RYR1: variants seen among roughly 807,000 people sequenced by gnomAD.
RYR1 encodes the protein ryanodine receptor 1, also known as central core disease of muscle.
A neutral mutation model predicts 583.5 loss-of-function variants in RYR1; 342 were observed. That is an observed-to-expected ratio of 0.59 (90% CI 0.54 to 0.64). RYR1 has a LOEUF of 0.64. Ranked by LOEUF, RYR1 falls within the 30% of genes least tolerant of loss-of-function variation. The pLI, the probability that RYR1 is intolerant of heterozygous loss-of-function variation, is 0.00. For synonymous variants in RYR1, 2,791 were observed against 2,822.5 expected, an observed-to-expected ratio of 0.99 and a Z score of 0.35; for missense variants, 6,032 against 6,917.2, an observed-to-expected ratio of 0.87 and a Z score of 4.54.
At position 38,439,285 on chromosome 19, in the gene RYR1, C is replaced by T. The variant is rs1277549081; in HGVS notation, c.46-1460C>T. Among the ~76,000 whole-genome samples the T allele has an allele frequency of 2.0e-5, 3 of 151,898 alleles. No homozygotes were observed. In the South Asian group the frequency reaches 6.2e-4, roughly 31 times the overall value. On this transcript the variant is annotated intron_variant, in intron 1 of 105. Coordinates refer to ENST00000359596, the MANE Select transcript of RYR1 (RefSeq NM_000540.3). ...AGTGCAATCTGGTGGTAGCAACCTC[C>T]ACCTCCCAGGCTCAAGCCATTCTCC...
At chr19:38,515,356 C>T (rs1970917693) in intron 64 of RYR1, among the ~76,000 whole-genome samples, 1 of 152,070 alleles carries the variant, frequency 6.6e-6, no homozygotes, top group Non-Finnish European at 1.5e-5. Flanking sequence ...AGGCGCAGAC[C>T]ACGGGGGCTG....
Position 38,523,812 on chromosome 19 carries a change from TG to T in RYR1, c.10441-99del, listed in dbSNP as rs1971333085. ...GCCCAGCTAGAGAATACATGGCGGG[TG>T]GGGCAGAGGAGGTGGGGTGCTGGCA... On this transcript the variant is annotated intron_variant, in intron 69 of 105. Coordinates refer to ENST00000359596, the MANE Select transcript of RYR1 (RefSeq NM_000540.3). The T allele has an allele frequency of 1.2e-5, 17 of 1,454,790 alleles. 1 individual carries two copies. In the South Asian group the frequency reaches 1.9e-4, roughly 16 times the overall value. 90.1% of individuals were successfully genotyped at this position (1,454,790 alleles called of 1,614,324 possible).
intron 66 of RYR1, among the ~76,000 whole-genome samples, chr19:38,518,915 G>A (rs1185235127): frequency 6.6e-6 from 1 of 150,440 alleles, no homozygotes; most frequent in East Asian, 1.9e-4. Flanking sequence ...TGACAAGAGT[G>A]AAACTCTGTC....
intron 89 of RYR1, among the ~76,000 whole-genome samples, chr19:38,549,017 T>C (rs991062255): frequency 1.3e-5 from 2 of 152,220 alleles, no homozygotes; most frequent in Non-Finnish European, 2.9e-5. Context: ...TTGGCTGGCT[T>C]TCTTCTCTGT....
chr19:38,515,238 G>T, intron 64 of RYR1, 131 bp downstream of exon 64: 2 of 770,972 alleles, frequency 2.6e-6, no homozygotes, highest in Non-Finnish European at 4.4e-6. Flanking sequence ...GGCAGCCGCG[G>T]TTCCCCACGG....
chr19:38,587,492 C>A lies in RYR1; in HGVS notation c.*72C>A. 1.8e-6 allele frequency: 2 copies of A among 1,085,698 alleles called. No homozygotes were observed. The highest frequency in any genetic ancestry group is 2.8e-6 in the Non-Finnish European group (2 of 703,420). The allele number at this position is 1,085,698 out of a possible 1,614,324, so 67.3% of individuals were successfully genotyped here. A position where few individuals can be genotyped will look rare whatever the true frequency, so the allele number is the denominator to read the frequency against. ...CACAGCAAGCCCCTTAGTCCCCAAG[C>A]CCCTCCCCCTAAGGCAGCTGGGGGA... is the stretch of plus-strand genomic sequence containing the variant. On this transcript the variant is annotated 3_prime_UTR_variant, in exon 106 of 106. Coordinates refer to ENST00000359596, the MANE Select transcript of RYR1 (RefSeq NM_000540.3).
At chr19:38,515,603 G>C (rs909031732) in intron 64 of RYR1, among the ~76,000 whole-genome samples, 3 of 152,082 alleles carry the variant, frequency 2.0e-5, no homozygotes, top group Non-Finnish European at 4.4e-5. Flanking sequence ...AGACCAGCCT[G>C]GGCAACATAG....
At chr19:38,515,373 G>C (rs1280823918) in intron 64 of RYR1, among the ~76,000 whole-genome samples, 4 of 152,166 alleles carry the variant, frequency 2.6e-5, no homozygotes, top group African/African-American at 9.7e-5. Context: ...GCTGCACACA[G>C]GAGCCACGCA....
In RYR1 at chr19:38,448,755, G is replaced by A. The variant is rs746058423; in HGVS notation, c.1064G>A (p.Trp355Ter). Reference sequence around the variant, plus strand: ...GTGCAGCATGTGGCCTCAGGACTGTGGCTCACCTATGCTGCTCCAGACCCC... The same window carrying A: ...GTGCAGCATGTGGCCTCAGGACTGTAGCTCACCTATGCTGCTCCAGACCCC... ...CFVQHVASGL[W>*]LTYAAPDPKA... is the part of the protein sequence containing the mutation. Residue 355 changes from tryptophan to a stop codon, truncating the protein, a stop_gained, in exon 11 of 106, where the codon TGG becomes TAG. Coordinates refer to ENST00000359596, the MANE Select transcript of RYR1 (RefSeq NM_000540.3). LOFTEE classifies it high-confidence loss of function. 1.2e-6 allele frequency: 2 copies of A among 1,614,224 alleles called. No individual in the cohort carries two copies. The highest frequency in any genetic ancestry group is 1.7e-6 in the Non-Finnish European group (2 of 1,180,048).
At position 38,502,737 on chromosome 19, in the gene RYR1, G is replaced by A. The variant is rs749955429; in HGVS notation, c.7835+10G>A. ...TCATGTCGCTCTGCAGGTGGAGCGG[G>A]GCAGGCTTCAGGGTGGGGCAGGGGC... On this transcript the variant is annotated intron_variant, in intron 48 of 105. Coordinates refer to ENST00000359596, the MANE Select transcript of RYR1 (RefSeq NM_000540.3). The A allele has an allele frequency of 7.6e-6, 12 of 1,578,376 alleles. No individual in the cohort carries two copies. Among genetic ancestry groups the A allele is most frequent in the Admixed American group, 5.2e-5 (3 of 58,074 alleles).
At chr19:38,509,003 A>G (rs887601551) in intron 58 of RYR1, among the ~76,000 whole-genome samples, 2 of 152,040 alleles carry the variant, frequency 1.3e-5, no homozygotes, top group African/African-American at 4.8e-5. Flanking sequence ...ACAGGCCACT[A>G]AGAATTACAG....
chr19:38,469,298 C>A lies in RYR1; in HGVS notation c.3557-7C>A, dbSNP rs745912857. The A allele has an allele frequency of 6.2e-7, 1 of 1,613,786 alleles. No individual in the cohort carries two copies. Among genetic ancestry groups the A allele is most frequent in the Non-Finnish European group, 8.5e-7 (1 of 1,180,004 alleles). On this transcript the variant is annotated splice_region_variant and splice_polypyrimidine_tract_variant and intron_variant, in intron 26 of 105. Coordinates refer to ENST00000359596, the MANE Select transcript of RYR1 (RefSeq NM_000540.3). ...CTCACCCCTGCCCATCCATCCCCTCCCACCAGGCTTCCTGCCCGTCTGCAG... is the reference window on the plus strand; with the variant it reads ...CTCACCCCTGCCCATCCATCCCCTCACACCAGGCTTCCTGCCCGTCTGCAG...
At position 38,469,316 on chromosome 19, in the gene RYR1, G is replaced by A. The variant is rs749283427; in HGVS notation, c.3568G>A (p.Val1190Ile). ...EIEIGDGFLPVCSLGPGQVGH... is the reference protein window; with the variant it reads ...EIEIGDGFLPICSLGPGQVGH... ...TCCCCTCCCACCAGGCTTCCTGCCCGTCTGCAGCTTGGGACCTGGCCAGGT... is the reference window on the plus strand; with the variant it reads ...TCCCCTCCCACCAGGCTTCCTGCCCATCTGCAGCTTGGGACCTGGCCAGGT... Residue 1190 changes from valine (V) to isoleucine (I), a missense_variant, in exon 27 of 106, where the codon GTC becomes ATC. Coordinates refer to ENST00000359596, the MANE Select transcript of RYR1 (RefSeq NM_000540.3). 34 of 1,613,618 alleles carry A rather than the reference G, an allele frequency of 2.1e-5. No homozygotes were observed. The highest frequency in any genetic ancestry group is 1.1e-4 in the African/African-American group (8 of 74,868).
chr19:38,515,496 A>G (rs16972686), intron 64 of RYR1, among the ~76,000 whole-genome samples: 6,827 of 152,254 alleles, frequency 0.045, 232 homozygotes, highest in African/African-American at 0.088. Context: ...CTCTGAAGTT[A>G]TTCAGATTTC....
chr19:38,566,294 T>C (rs535160416), intron 91 of RYR1, among the ~76,000 whole-genome samples: 7 of 150,288 alleles, frequency 4.7e-5, no homozygotes, highest in East Asian at 2.0e-4. Context: ...ACTAAAAATA[T>C]AAAAATTAGC....
rs1971528147 is a variant in RYR1, at chr19:38,527,657, C to T, written c.10697C>T (p.Ser3566Phe). The T allele has an allele frequency of 6.2e-7, 1 of 1,614,134 alleles. No homozygotes were observed. The highest frequency in any genetic ancestry group is 1.3e-5 in the African/African-American group (1 of 75,068). ...TCTTCCTCCCTTCAGGTCGAAGGCT[C>T]CCCGTCTCTGCGCTGGCAGATGGCT... is the stretch of plus-strand genomic sequence containing the variant. ...NLHLQGKVEG[S>F]PSLRWQMALY... The change falls in exon 73 of 106, where the codon TCC becomes TTC. Residue 3566 changes from serine to phenylalanine, a missense_variant. Transcript: ENST00000359596.
chr19:38,439,680 T>C (rs922725300), intron 1 of RYR1, among the ~76,000 whole-genome samples: 2 of 151,418 alleles, frequency 1.3e-5, no homozygotes, highest in Non-Finnish European at 2.9e-5. Context: ...CTAATTTTTG[T>C]ATTTTTTAGT....
intron 97 of RYR1, 95 bp from the exon 98 acceptor site, chr19:38,577,823 C>T: frequency 2.6e-6 from 4 of 1,532,302 alleles, no homozygotes; most frequent in East Asian, 2.3e-5. Flanking sequence ...CCATTTCTCA[C>T]TCAGAGTTTG....
In RYR1 at chr19:38,505,001, A is replaced by G; in HGVS notation, c.8232-2A>G. On this transcript the variant is annotated splice_acceptor_variant, in intron 51 of 105. Transcript: ENST00000359596. LOFTEE classifies it high-confidence loss of function. Reference sequence around the variant, plus strand: ...CATCTGCTGACCCTGTGCCCCCAACAGTGTGATCATCCCGGAGAAGCTGGA... The same window carrying G: ...CATCTGCTGACCCTGTGCCCCCAACGGTGTGATCATCCCGGAGAAGCTGGA... The G allele has an allele frequency of 6.2e-7, 1 of 1,614,130 alleles. No homozygotes were observed. Among genetic ancestry groups the G allele is most frequent in the Non-Finnish European group, 8.5e-7 (1 of 1,180,016 alleles).
Sources: allele counts gnomAD v4.1 joint callset (sites outside exome capture counted in the v4.1 genomes callset), GRCh38; gene constraint gnomAD v4.1.1; transcripts MANE v1.5; gene names NCBI Gene and HGNC (gene_info 2026-07-23, HGNC 2026-07-21).